Variants in KIAA1755 observed in about 807,000 individuals in gnomAD.
KIAA1755 encodes uncharacterized protein KIAA1755.
A neutral mutation model predicts 91.7 loss-of-function variants in KIAA1755; 68 were observed. The observed-to-expected ratio is 0.74, with a 90% CI of 0.61 to 0.91. The LOEUF (loss-of-function observed/expected upper bound fraction) is 0.91. Ranked by LOEUF, KIAA1755 falls within the 40% of genes least tolerant of loss-of-function variation. The probability of loss-of-function intolerance (pLI) is 0.00; values close to 1 mark genes in which losing one functional copy is unlikely to be tolerated. For missense variants in KIAA1755, 1,535 were observed against 1,494.4 expected (o/e 1.03, Z -0.45); for synonymous variants, 610 against 604.6 (o/e 1.01, Z -0.13).
In KIAA1755 at chr20:38,211,968, C is replaced by T. The variant is rs1425561620; in HGVS notation, c.*1074G>A. ...CGCCTCAGGGGGTGTTCAAGGATTCCATGCTGTCTTTCAGAGATCTCCAGA... is the reference window on the plus strand; with the variant it reads ...CGCCTCAGGGGGTGTTCAAGGATTCTATGCTGTCTTTCAGAGATCTCCAGA... On this transcript the variant is annotated 3_prime_UTR_variant, in exon 14 of 14. Coordinates refer to ENST00000279024, the MANE Select transcript of KIAA1755 (RefSeq NM_001029864.2). 1 of 152,160 alleles carries T rather than the reference C, an allele frequency of 6.6e-6. No homozygotes were observed. The highest frequency in any genetic ancestry group is 2.4e-5 in the African/African-American group (1 of 41,422). The allele number at this position is 152,160 out of a possible 1,614,324, so 9.4% of individuals were successfully genotyped here. A position where few individuals can be genotyped will look rare whatever the true frequency, so the allele number is the denominator to read the frequency against.
At chr20:38,233,010 T>G (rs1049057750) in intron 4 of KIAA1755, among the ~76,000 whole-genome samples, 4 of 152,074 alleles carry the variant, frequency 2.6e-5, no homozygotes, top group Non-Finnish European at 5.9e-5. Context: ...CAGTCCCAGC[T>G]GCTCAGGAGG....
intron 4 of KIAA1755, among the ~76,000 whole-genome samples, chr20:38,237,591 G>T (rs970963542): frequency 6.6e-6 from 1 of 152,030 alleles, no homozygotes; most frequent in Non-Finnish European, 1.5e-5. Flanking sequence ...ATGGGGAAGG[G>T]ATGTGGTGGA....
intron 13 of KIAA1755, among the ~76,000 whole-genome samples, chr20:38,214,127 T>G (rs190838917): frequency 8.5e-5 from 13 of 152,240 alleles, no homozygotes; most frequent in Admixed American, 8.5e-4. Flanking sequence ...AATTTTTGTA[T>G]TTTTAGTAGG....
chr20:38,260,150 A>C, intron 1 of KIAA1755: 1 of 1,295,746 alleles, frequency 7.7e-7, no homozygotes, highest in South Asian at 1.6e-5. Context: ...TGTGCATATC[A>C]CAGTCAGTTC....
At chr20:38,239,811 CTAA>C in intron 3 of KIAA1755, 86 bp from the exon 4 acceptor site, 1 of 1,184,338 alleles carries the variant, frequency 8.4e-7, no homozygotes, top group South Asian at 1.3e-5. Flanking sequence ...CTCTTTCTGA[CTAA>C]TAATAGCTTA....
intron 2 of KIAA1755, among the ~76,000 whole-genome samples, chr20:38,243,962 GGC>G (rs1467920869): frequency 3.3e-5 from 5 of 152,116 alleles, no homozygotes; most frequent in African/African-American, 1.2e-4. Flanking sequence ...TCAGAGAGGT[GGC>G]ATGGATCTCC....
intron 6 of KIAA1755, among the ~76,000 whole-genome samples, chr20:38,227,838 G>A (rs1201026909): frequency 6.6e-6 from 1 of 152,244 alleles, no homozygotes; most frequent in Non-Finnish European, 1.5e-5. Context: ...GGGGTGCCAA[G>A]CGGGGTGGCT....
At position 38,254,512 on chromosome 20, in the gene KIAA1755, G is replaced by T. The variant is rs574322163; in HGVS notation, c.3+5986C>A. On this transcript the variant is annotated intron_variant, in intron 1 of 13. Coordinates refer to ENST00000279024, the MANE Select transcript of KIAA1755 (RefSeq NM_001029864.2). ...AATTCAAAGTATAATCAGGGGCCGG[G>T]TGCAGTGGCTCATGCCTATAATCCC... 1.3e-4 allele frequency among the ~76,000 whole-genome samples: 20 copies of T among 152,316 alleles called. No individual in the cohort carries two copies. In the South Asian group the frequency reaches 1.5e-3, roughly 11 times the overall value.
intron 2 of KIAA1755, among the ~76,000 whole-genome samples, chr20:38,245,056 C>A (rs2076132145): frequency 6.6e-6 from 1 of 152,166 alleles, no homozygotes; most frequent in African/African-American, 2.4e-5. Context: ...CAGCTCCACC[C>A]TCTGACCATA....
At position 38,216,193 on chromosome 20, in the gene KIAA1755, G is replaced by T. The variant is rs114692679; in HGVS notation, c.2901+1060C>A. Among the ~76,000 whole-genome samples the T allele has an allele frequency of 5.3e-5, 8 of 152,218 alleles. No individual in the cohort carries two copies. In the East Asian group the frequency reaches 5.8e-4, roughly 11 times the overall value. On this transcript the variant is annotated intron_variant, in intron 13 of 13. Transcript: ENST00000279024. ...CTGTGGTTGAGGTCACAGAGCTCAC[G>T]CAAGGACATGAAGCCCCAGACTCCA...
chr20:38,260,440 G>T, intron 1 of KIAA1755, 58 bp downstream of exon 1: 1 of 1,555,358 alleles, frequency 6.4e-7, no homozygotes, highest in Non-Finnish European at 8.7e-7. Flanking sequence ...AGGGAATGGG[G>T]AGGGCTGTGC....
chr20:38,243,710 T>C (rs150570505), intron 2 of KIAA1755, among the ~76,000 whole-genome samples: 4 of 152,322 alleles, frequency 2.6e-5, no homozygotes, highest in African/African-American at 9.6e-5. Context: ...CCCACCAGAC[T>C]TCATGTGAAG....
rs61043014 is a variant in KIAA1755 at position 38,230,888 on chromosome 20, C to CA, written c.1871+313dup. 2.7e-3 allele frequency among the ~76,000 whole-genome samples: 293 copies of CA among 107,438 alleles called. 1 individual carries two copies. Among genetic ancestry groups the CA allele is most frequent in the African/African-American group, 3.6e-3 (104 of 28,934 alleles). The allele number at this position is 107,438 out of a possible 152,430, so 70.5% of individuals were successfully genotyped here. On this transcript the variant is annotated intron_variant, in intron 5 of 13. Transcript: ENST00000279024. ...GGGCAACAAGAGTGAAACTCCATTT[C>CA]AAAAAAAAAAAAAAAATGAAAACCA...
intron 11 of KIAA1755, among the ~76,000 whole-genome samples, chr20:38,219,056 T>C (rs191158275): frequency 5.3e-5 from 8 of 152,250 alleles, no homozygotes; most frequent in Admixed American, 2.6e-4. Context: ...CAAATGAAGA[T>C]ACTGAAGCAC....
In KIAA1755 at chr20:38,240,897, G is replaced by A; in HGVS notation, c.1234C>T (p.Gln412Ter). 1 of 1,614,128 alleles carries A rather than the reference G, an allele frequency of 6.2e-7. No homozygotes were observed. Among genetic ancestry groups the A allele is most frequent in the Non-Finnish European group, 8.5e-7 (1 of 1,180,012 alleles). The change falls in exon 3 of 14, where the codon CAG becomes TAG. Residue 412 changes from glutamine to a stop codon, truncating the protein, a stop_gained. Coordinates refer to ENST00000279024, the MANE Select transcript of KIAA1755 (RefSeq NM_001029864.2). LOFTEE classifies it high-confidence loss of function. ...GCTTGTCTTGGTCCAGGCCTGAGCT[G>A]CACCATATTCTCTGGGTTTCCTAGA... ...GPLGNPENMV[Q>*]LRPGPRQASS...
intron 1 of KIAA1755, among the ~76,000 whole-genome samples, chr20:38,257,692 C>A (rs2076363621): frequency 6.6e-6 from 1 of 152,002 alleles, no homozygotes; most frequent in Non-Finnish European, 1.5e-5. Context: ...GAAAGTTACT[C>A]CAGTTCTCTT....
At position 38,241,656 on chromosome 20, in the gene KIAA1755, C is replaced by T; in HGVS notation, c.475G>A (p.Gly159Arg). The T allele has an allele frequency of 6.2e-7, 1 of 1,614,164 alleles. No individual in the cohort carries two copies. Among genetic ancestry groups the T allele is most frequent in the Non-Finnish European group, 8.5e-7 (1 of 1,180,024 alleles). ...WLEAINSDFE[G>R]NPLHNCLVAS... ...ACCAAGCAGTTGTGTAGGGGATTTCCCTCAAAGTCACTGTTGATGGCCTCC... is the reference window on the plus strand; with the variant it reads ...ACCAAGCAGTTGTGTAGGGGATTTCTCTCAAAGTCACTGTTGATGGCCTCC... The change falls in exon 3 of 14, where the codon GGA becomes AGA. Residue 159 changes from glycine (G) to arginine (R), a missense_variant. By Grantham distance (125) the Gly-to-Arg change is moderately radical. Coordinates refer to ENST00000279024, the MANE Select transcript of KIAA1755 (RefSeq NM_001029864.2).
intron 7 of KIAA1755, among the ~76,000 whole-genome samples, chr20:38,226,255 T>G (rs1212651794): frequency 3.3e-5 from 5 of 152,208 alleles, no homozygotes; most frequent in Non-Finnish European, 7.4e-5. Context: ...ATGGAAGAAC[T>G]AGGTGACTGC....
At chr20:38,256,646 A>C (rs1004465076) in intron 1 of KIAA1755, among the ~76,000 whole-genome samples, 7 of 152,096 alleles carry the variant, frequency 4.6e-5, no homozygotes, top group Non-Finnish European at 1.0e-4. Flanking sequence ...TCTACAAAAA[A>C]TAAAAAGTTA....
Sources: allele counts gnomAD v4.1 joint callset (sites outside exome capture counted in the v4.1 genomes callset), GRCh38; gene constraint gnomAD v4.1.1; transcripts MANE v1.5; gene names NCBI Gene and HGNC (gene_info 2026-07-23, HGNC 2026-07-21).